DNER: variants seen among roughly 807,000 people sequenced by gnomAD.
DNER encodes delta/notch like EGF repeat containing.
In DNER, 33 loss-of-function variants were observed where a neutral mutation model predicts 78.2. That is an observed-to-expected ratio of 0.42 (90% CI 0.32 to 0.56). DNER has a LOEUF of 0.56. Ranked by LOEUF, DNER falls within the 20% of genes least tolerant of loss-of-function variation. The probability of loss-of-function intolerance (pLI) is 0.11; values close to 1 mark genes in which losing one functional copy is unlikely to be tolerated. For synonymous variants in DNER, 417 were observed against 384.8 expected, an observed-to-expected ratio of 1.08 and a Z score of -0.98; for missense variants, 918 against 975.3, an observed-to-expected ratio of 0.94 and a Z score of 0.78.
intron 4 of DNER, among the ~76,000 whole-genome samples, chr2:229,555,200 A>G (rs762714049): frequency 3.3e-5 from 5 of 152,182 alleles, no homozygotes; most frequent in Admixed American, 6.5e-5. Context: ...ACTAATTGCT[A>G]TCTTCCTAAG....
At position 229,582,699 on chromosome 2, in the gene DNER, G is replaced by T. The variant is rs955800066; in HGVS notation, c.847+3159C>A. Among the ~76,000 whole-genome samples, 7 of 152,108 alleles carry T rather than the reference G, an allele frequency of 4.6e-5. No homozygotes were observed. In the South Asian group the frequency reaches 1.5e-3, roughly 32 times the overall value. On this transcript the variant is annotated intron_variant, in intron 4 of 12. Transcript: ENST00000341772. ...CTGCTGCCCAGGCTAGAGTGCAGTG[G>T]CGTGATCTTGGCTCACTGCAAGCTC... is the stretch of plus-strand genomic sequence containing the variant.
rs1182791041 is a variant in DNER, at chr2:229,358,255, A to G, written c.*285T>C. 1 of 202,248 alleles carries G rather than the reference A, an allele frequency of 4.9e-6. No individual in the cohort carries two copies. Among genetic ancestry groups the G allele is most frequent in the East Asian group, 1.1e-4 (1 of 8,714 alleles). 12.5% of individuals were successfully genotyped at this position (202,248 alleles called of 1,614,324 possible). On this transcript the variant is annotated 3_prime_UTR_variant, in exon 13 of 13. Coordinates refer to ENST00000341772, the MANE Select transcript of DNER (RefSeq NM_139072.4). ...GACTTATTCTGTAACAACCACAGAA[A>G]TTAATCTGGGTCTCGTGATAGTGTC...
At chr2:229,646,141 C>T (rs1316866821) in intron 1 of DNER, among the ~76,000 whole-genome samples, 1 of 152,170 alleles carries the variant, frequency 6.6e-6, no homozygotes, top group African/African-American at 2.4e-5. Flanking sequence ...GAAAGCTGCA[C>T]CAAGTAAATA....
chr2:229,447,154 T>C (rs1456748494), intron 8 of DNER, among the ~76,000 whole-genome samples, 162 bp downstream of exon 8: 1 of 152,256 alleles, frequency 6.6e-6, no homozygotes, highest in Non-Finnish European at 1.5e-5. Flanking sequence ...AATTCACTTT[T>C]ATTCACAAGT....
chr2:229,577,973 T>C (rs930923604), intron 4 of DNER, among the ~76,000 whole-genome samples: 1 of 152,162 alleles, frequency 6.6e-6, no homozygotes, highest in African/African-American at 2.4e-5. Context: ...TCTGAGAGGC[T>C]CATAGAAATA....
intron 12 of DNER, among the ~76,000 whole-genome samples, chr2:229,360,566 C>A (rs1692189417): frequency 6.6e-6 from 1 of 152,170 alleles, no homozygotes; most frequent in African/African-American, 2.4e-5. Context: ...GCGCCCGCCA[C>A]CACGCCCAGC....
chr2:229,672,996 G>A (rs1699235371), intron 1 of DNER, among the ~76,000 whole-genome samples: 1 of 152,172 alleles, frequency 6.6e-6, no homozygotes, highest in Non-Finnish European at 1.5e-5. Flanking sequence ...ACTGCTCTCA[G>A]GAAGCACATG....
At chr2:229,492,947 A>C (rs1406855825) in intron 6 of DNER, among the ~76,000 whole-genome samples, 4 of 152,200 alleles carry the variant, frequency 2.6e-5, no homozygotes, top group Admixed American at 6.5e-5. Flanking sequence ...CTGGGATTAG[A>C]GACCTGAGCC....
rs185072298 is a variant in DNER at position 229,628,807 on chromosome 2, T to A, written c.277-36919A>T. 4.4e-4 allele frequency among the ~76,000 whole-genome samples: 67 copies of A among 152,274 alleles called. 1 individual carries two copies. In the East Asian group the frequency reaches 7.5e-3, roughly 17 times the overall value. ...AGCCAGAGGGAACCTAGTTCTAACA[T>A]CAAGAGTTGGAACCCCGGACATCAA... On this transcript the variant is annotated intron_variant, in intron 1 of 12. Coordinates refer to ENST00000341772, the MANE Select transcript of DNER (RefSeq NM_139072.4).
intron 12 of DNER, among the ~76,000 whole-genome samples, chr2:229,366,299 C>T (rs1344943302): frequency 9.2e-5 from 14 of 152,174 alleles, no homozygotes; most frequent in Admixed American, 2.6e-4. Flanking sequence ...GTTAAAAGAT[C>T]CGTCTAAACT....
intron 1 of DNER, among the ~76,000 whole-genome samples, chr2:229,687,480 T>G (rs2154217302): frequency 6.6e-6 from 1 of 152,206 alleles, no homozygotes; most frequent in Admixed American, 6.5e-5. Context: ...GCCAGGCTGG[T>G]CTCGAACTCC....
At chr2:229,487,167 G>A (rs1486904339) in intron 6 of DNER, among the ~76,000 whole-genome samples, 2 of 152,172 alleles carry the variant, frequency 1.3e-5, no homozygotes, top group Non-Finnish European at 2.9e-5. Context: ...TTTTCTGAGT[G>A]GGAGGTCTTG....
chr2:229,507,769 T>A (rs535623786), intron 6 of DNER, among the ~76,000 whole-genome samples: 5 of 152,322 alleles, frequency 3.3e-5, no homozygotes, highest in African/African-American at 9.6e-5. Context: ...ATTAAAGACT[T>A]TGGTATAAAA....
At chr2:229,387,191 C>T (rs1404350204) in intron 11 of DNER, among the ~76,000 whole-genome samples, 1 of 152,002 alleles carries the variant, frequency 6.6e-6, no homozygotes. Context: ...ATGGATGAAG[C>T]TGGAAACCAT....
chr2:229,694,457 A>G (rs1310693961), intron 1 of DNER, among the ~76,000 whole-genome samples: 1 of 42,574 alleles, frequency 2.3e-5, no homozygotes, highest in Non-Finnish European at 6.4e-5. Context: ...CAGAGACTCA[A>G]TGACTTCCGC....
chr2:229,410,564 C>T (rs993089134), intron 9 of DNER, among the ~76,000 whole-genome samples: 3 of 152,178 alleles, frequency 2.0e-5, no homozygotes, highest in Non-Finnish European at 4.4e-5. Flanking sequence ...CACCCATTGG[C>T]AGAAGACACA....
chr2:229,566,377 C>T (rs1697108669), intron 4 of DNER, among the ~76,000 whole-genome samples: 1 of 152,114 alleles, frequency 6.6e-6, no homozygotes, highest in Non-Finnish European at 1.5e-5. Context: ...GTTGCATTTG[C>T]TTCTTAAATT....
chr2:229,551,706 G>A (rs1284987547), intron 4 of DNER, among the ~76,000 whole-genome samples: 2 of 151,494 alleles, frequency 1.3e-5, no homozygotes, highest in African/African-American at 2.4e-5. Context: ...GGCAGAGGTG[G>A]GCAGATCACG....
chr2:229,447,392 G>A lies in DNER; in HGVS notation c.1410C>T (p.Asp470=). The part of the protein sequence containing the change: ...FTGPTCAQLI[D]FCALSPCAHG... The stretch of plus-strand genomic sequence containing the variant: ...GAGCACAGGGGCTGAGGGCACAGAA[G>A]TCAATAAGCTGGGCACAGGTCGGCC... The change falls in exon 8 of 13, where the codon GAC becomes GAT. Residue 470 remains aspartate (D), a synonymous_variant. Transcript: ENST00000341772. 1.2e-6 allele frequency: 2 copies of A among 1,613,504 alleles called. No homozygotes were observed. The highest frequency in any genetic ancestry group is 1.7e-6 in the Non-Finnish European group (2 of 1,179,778).
Sources: gnomAD v4.1 joint callset for allele counts (sites outside exome capture counted in the v4.1 genomes callset) on GRCh38, gnomAD v4.1.1 for gene constraint, MANE v1.5 for transcripts, NCBI Gene and HGNC (gene_info 2026-07-23, HGNC 2026-07-21) for gene names.